Variants in CSMD1 observed in about 807,000 individuals in gnomAD.
The protein encoded by CSMD1 is CUB and sushi domain-containing protein 1.
Under a neutral mutation model 417.5 loss-of-function variants are expected in CSMD1, and 213 were observed. The ratio of observed to expected loss-of-function variants is 0.51; its 90% CI spans 0.46 to 0.57. CSMD1 has a LOEUF of 0.57. Among genes scored for constraint, CSMD1 ranks in the 20% least tolerant of loss-of-function variants. CSMD1 has a pLI of 0.00. For synonymous variants in CSMD1, 2,862 were observed against 1,736.8 expected (o/e 1.65, Z -16.11); for missense variants, 6,923 against 4,529.7 (o/e 1.53, Z -15.17).
chr8:4,751,404 G>A (rs1283285013), intron 1 of CSMD1, among the ~76,000 whole-genome samples: 2 of 151,946 alleles, frequency 1.3e-5, no homozygotes, highest in African/African-American at 2.4e-5. Context: ...GGGGGTGGCG[G>A]GGCAGGAAAA....
chr8:4,233,277 T>G (rs1801853632), intron 3 of CSMD1, among the ~76,000 whole-genome samples: 1 of 152,210 alleles, frequency 6.6e-6, no homozygotes, highest in Non-Finnish European at 1.5e-5. Flanking sequence ...TATGCAGAAG[T>G]GCCCACTCTC....
chr8:4,738,236 A>T (rs1017659221), intron 1 of CSMD1, among the ~76,000 whole-genome samples: 7 of 152,188 alleles, frequency 4.6e-5, no homozygotes, highest in Admixed American at 2.6e-4. Flanking sequence ...TCAAATATTT[A>T]TCCATCTGTA....
At chr8:4,543,962 C>G (rs991001177) in intron 2 of CSMD1, among the ~76,000 whole-genome samples, 48 of 152,144 alleles carry the variant, frequency 3.2e-4, no homozygotes, top group African/African-American at 1.1e-3. Context: ...GGTCTTTAGC[C>G]CATTTATTAG....
At position 4,032,004 on chromosome 8, in the gene CSMD1, A is replaced by C; in HGVS notation, c.511T>G (p.Cys171Gly). 1 of 1,613,992 alleles carries C rather than the reference A, an allele frequency of 6.2e-7. No individual in the cohort carries two copies. The highest frequency in any genetic ancestry group is 8.5e-7 in the Non-Finnish European group (1 of 1,179,868). The change falls in exon 4 of 70, where the codon TGC becomes GGC. Residue 171 changes from cysteine (C) to glycine (G), a missense_variant. Transcript: ENST00000635120. ...CCTTCCAAGATGTAGCCAGGGAGGCAGCTGTACCGGATTTTGTCTCCTATG... is the reference window on the plus strand; with the variant it reads ...CCTTCCAAGATGTAGCCAGGGAGGCCGCTGTACCGGATTTTGTCTCCTATG... ...FNIGDKIRYSCLPGYILEGHA... is the reference protein window; with the variant it reads ...FNIGDKIRYSGLPGYILEGHA...
intron 23 of CSMD1, among the ~76,000 whole-genome samples, chr8:3,336,965 C>T (rs891500060): frequency 6.6e-6 from 1 of 152,112 alleles, no homozygotes; most frequent in Non-Finnish European, 1.5e-5. Context: ...AGGAGACTGA[C>T]CTTATGCCAG....
chr8:4,286,142 C>G (rs777291245), intron 3 of CSMD1, among the ~76,000 whole-genome samples: 11 of 152,008 alleles, frequency 7.2e-5, no homozygotes, highest in Non-Finnish European at 1.6e-4. Context: ...AACGTTTTTA[C>G]GTTCTTTCTG....
intron 1 of CSMD1, among the ~76,000 whole-genome samples, chr8:4,821,869 G>T (rs533565460): frequency 6.6e-6 from 1 of 152,122 alleles, no homozygotes; most frequent in African/African-American, 2.4e-5. Flanking sequence ...GCCTCCACAC[G>T]CTTCTGCTCT....
intron 6 of CSMD1, among the ~76,000 whole-genome samples, chr8:3,728,795 C>A (rs1585143884): frequency 1.3e-5 from 2 of 152,166 alleles, no homozygotes; most frequent in East Asian, 3.9e-4. Context: ...GAGGTTTATT[C>A]AGCACATTGA....
intron 3 of CSMD1, among the ~76,000 whole-genome samples, chr8:4,046,640 C>T (rs150498113): frequency 6.6e-6 from 1 of 152,126 alleles, no homozygotes; most frequent in African/African-American, 2.4e-5. Flanking sequence ...TAACAAACAA[C>T]AAGTGTGCAG....
At chr8:4,365,346 A>G (rs1299966196) in intron 3 of CSMD1, among the ~76,000 whole-genome samples, 1 of 152,244 alleles carries the variant, frequency 6.6e-6, no homozygotes, top group Non-Finnish European at 1.5e-5. Context: ...TGCTAAGATT[A>G]TCAAAATCAT....
chr8:3,078,044 G>A (rs953516010), intron 49 of CSMD1, among the ~76,000 whole-genome samples: 1 of 152,176 alleles, frequency 6.6e-6, no homozygotes, highest in Non-Finnish European at 1.5e-5. Context: ...AGTATTCCAT[G>A]TCAGGTTTAT....
intron 1 of CSMD1, among the ~76,000 whole-genome samples, chr8:4,733,498 C>T (rs899525032): frequency 1.3e-5 from 2 of 152,168 alleles, no homozygotes; most frequent in Admixed American, 6.5e-5. Context: ...CAGTTTTACA[C>T]ATAATCCTCT....
chr8:4,389,860 T>A (rs1235061896), intron 3 of CSMD1, among the ~76,000 whole-genome samples: 3 of 152,180 alleles, frequency 2.0e-5, no homozygotes, highest in Non-Finnish European at 4.4e-5. Flanking sequence ...ACAAACTTTA[T>A]ATATCTCCCG....
intron 5 of CSMD1, among the ~76,000 whole-genome samples, chr8:3,856,125 G>C (rs914296595): frequency 6.6e-6 from 1 of 151,994 alleles, no homozygotes; most frequent in Non-Finnish European, 1.5e-5. Context: ...TGCTGGAGAC[G>C]GGGCTTGGTG....
chr8:3,514,142 C>T (rs1442296882), intron 10 of CSMD1, among the ~76,000 whole-genome samples: 1 of 152,200 alleles, frequency 6.6e-6, no homozygotes, highest in Non-Finnish European at 1.5e-5. Flanking sequence ...TCCGTAATCA[C>T]TTCTGTCTCC....
intron 25 of CSMD1, among the ~76,000 whole-genome samples, chr8:3,307,297 C>CT (rs2117384542): frequency 6.6e-6 from 1 of 152,038 alleles, no homozygotes; most frequent in South Asian, 2.1e-4. Flanking sequence ...GCAGGGGCTC[C>CT]TGCTTTCCCA....
intron 18 of CSMD1, among the ~76,000 whole-genome samples, chr8:3,378,697 A>T (rs1438879009): frequency 6.6e-6 from 1 of 152,118 alleles, no homozygotes; most frequent in Admixed American, 6.5e-5. Context: ...AAACTTCAAC[A>T]CCCCTTCATG....
At chr8:4,565,082 CCT>C (rs1563291170) in intron 2 of CSMD1, among the ~76,000 whole-genome samples, 1 of 152,128 alleles carries the variant, frequency 6.6e-6, no homozygotes, top group Non-Finnish European at 1.5e-5. Context: ...AAAAACTTTC[CCT>C]GAGTGCTTTC....
At chr8:3,392,817 G>C (rs569853680) in intron 17 of CSMD1, among the ~76,000 whole-genome samples, 1 of 152,048 alleles carries the variant, frequency 6.6e-6, no homozygotes, top group Non-Finnish European at 1.5e-5. Context: ...CCCTCTGAGT[G>C]GGTTGCGAGC....
Sources: allele counts gnomAD v4.1 joint callset (sites outside exome capture counted in the v4.1 genomes callset), GRCh38; gene constraint gnomAD v4.1.1; transcripts MANE v1.5; gene names NCBI Gene and HGNC (gene_info 2026-07-23, HGNC 2026-07-21).